The following GPHN variants were observed in gnomAD, a reference collection of about 807,000 sequenced individuals.
GPHN encodes the protein gephyrin.
In GPHN, 17 loss-of-function variants were observed where a neutral mutation model predicts 95.5. That is an observed-to-expected ratio of 0.18 (90% CI 0.12 to 0.27). The LOEUF (loss-of-function observed/expected upper bound fraction) is 0.27. Among genes scored for constraint, GPHN ranks in the 10% least tolerant of loss-of-function variants. The probability of loss-of-function intolerance (pLI) is 1.00; values close to 1 mark genes in which losing one functional copy is unlikely to be tolerated. For missense variants in GPHN, 660 were observed against 978.1 expected (o/e 0.67, Z 4.34); for synonymous variants, 320 against 322.5 (o/e 0.99, Z 0.08).
the GPHN span, among the ~76,000 whole-genome samples, chr14:67,498,604 G>T: frequency 2.6e-5 from 4 of 152,204 alleles, no homozygotes; most frequent in African/African-American, 9.6e-5. Context: ...ACGAAGGAAT[G>T]AGCAGAATTA....
chr14:67,726,167 T>C, the GPHN span: 2 of 1,518,992 alleles, frequency 1.3e-6, no homozygotes, highest in African/African-American at 1.4e-5. Context: ...TAAGTATCTT[T>C]GGGTGACTAA....
At chr14:67,627,570 G>A in the GPHN span, among the ~76,000 whole-genome samples, 1 of 152,142 alleles carries the variant, frequency 6.6e-6, no homozygotes, top group Non-Finnish European at 1.5e-5. Flanking sequence ...GCAAATATCA[G>A]TGATGTTTCT....
At chr14:67,498,012 C>T in the GPHN span, among the ~76,000 whole-genome samples, 1 of 152,144 alleles carries the variant, frequency 6.6e-6, no homozygotes, top group Non-Finnish European at 1.5e-5. Context: ...TACCCGTCAA[C>T]ACTCCCAAAG....
At chr14:67,544,704 T>TA in the GPHN span, among the ~76,000 whole-genome samples, 1 of 152,204 alleles carries the variant, frequency 6.6e-6, no homozygotes, top group African/African-American at 2.4e-5. Flanking sequence ...AGAACTTTAA[T>TA]AAGTGAAAGT....
At chr14:67,694,299 G>A in the GPHN span, among the ~76,000 whole-genome samples, 2 of 152,004 alleles carry the variant, frequency 1.3e-5, no homozygotes, top group Non-Finnish European at 2.9e-5. Flanking sequence ...GTAGCTCCAG[G>A]AGTGACAACT....
At chr14:67,116,967 C>T (rs2078732484) in intron 16 of GPHN, among the ~76,000 whole-genome samples, 2 of 152,136 alleles carry the variant, frequency 1.3e-5, no homozygotes, top group Admixed American at 1.3e-4. Flanking sequence ...ATTGACTTTT[C>T]TCCCTCTTTT....
chr14:66,893,887 T>G (rs1179894159), intron 5 of GPHN, among the ~76,000 whole-genome samples: 2 of 152,164 alleles, frequency 1.3e-5, no homozygotes, highest in Non-Finnish European at 2.9e-5. Context: ...TGGAAGAACA[T>G]TCCATGCTCA....
the GPHN span, chr14:67,579,865 G>T: frequency 3.1e-6 from 5 of 1,601,066 alleles, no homozygotes; most frequent in Non-Finnish European, 4.3e-6. Flanking sequence ...CTGCCTGCAG[G>T]GAAGTGTCAA....
At chr14:66,702,396 G>A (rs1042062480) in intron 2 of GPHN, among the ~76,000 whole-genome samples, 2 of 152,182 alleles carry the variant, frequency 1.3e-5, no homozygotes, top group African/African-American at 2.4e-5. Context: ...GATCCTACTG[G>A]CATCAGATTG....
the GPHN span, among the ~76,000 whole-genome samples, chr14:67,483,682 T>C: frequency 6.6e-6 from 1 of 152,074 alleles, no homozygotes; most frequent in Non-Finnish European, 1.5e-5. Context: ...CATGCGCCAT[T>C]CAAAGGCCCC....
intron 3 of GPHN, among the ~76,000 whole-genome samples, chr14:66,778,668 A>G (rs2059483350): frequency 6.6e-6 from 1 of 151,420 alleles, no homozygotes; most frequent in Admixed American, 6.6e-5. Flanking sequence ...AAATCTTTCA[A>G]TAAATTCAAA....
chr14:67,321,342 A>G, the GPHN span: 282 of 1,322,532 alleles, frequency 2.1e-4, no homozygotes, highest in African/African-American at 3.6e-3. Flanking sequence ...ATTTTGGTCC[A>G]AGAACAGCGC....
the GPHN span, chr14:67,589,318 T>A: frequency 1.6e-5 from 16 of 975,936 alleles, no homozygotes; most frequent in African/African-American, 2.4e-4. Flanking sequence ...GGATTCAATA[T>A]TTGCTTATTT....
At chr14:67,349,154 C>T in the GPHN span, 1 of 1,537,994 alleles carries the variant, frequency 6.5e-7, no homozygotes, top group East Asian at 2.3e-5. Context: ...AGAAATAAAC[C>T]TACAGGGACC....
At chr14:67,034,634 A>G (rs2074333531) in intron 10 of GPHN, among the ~76,000 whole-genome samples, 1 of 152,150 alleles carries the variant, frequency 6.6e-6, no homozygotes, top group Non-Finnish European at 1.5e-5. Context: ...AAAAGAGAGC[A>G]GTGGTGGCCA....
At chr14:67,228,937 C>T in the GPHN span, among the ~76,000 whole-genome samples, 1 of 152,186 alleles carries the variant, frequency 6.6e-6, no homozygotes, top group Non-Finnish European at 1.5e-5. Context: ...AAAGAAACTA[C>T]AGACAGTCCC....
chr14:66,845,688 T>G (rs1017479495), intron 4 of GPHN, among the ~76,000 whole-genome samples: 1 of 152,112 alleles, frequency 6.6e-6, no homozygotes, highest in African/African-American at 2.4e-5. Flanking sequence ...AATCCAGAGA[T>G]CCTTCATCCT....
the GPHN span, chr14:67,467,949 C>T: frequency 6.6e-6 from 1 of 151,952 alleles, no homozygotes; most frequent in African/African-American, 2.4e-5. Flanking sequence ...AGTCTTGAGG[C>T]TAGCCTGGGA....
At chr14:67,601,543 A>G in the GPHN span, among the ~76,000 whole-genome samples, 13 of 152,204 alleles carry the variant, frequency 8.5e-5, no homozygotes, top group Non-Finnish European at 2.9e-5. Flanking sequence ...CTCATGAGTA[A>G]TAGTGGCCTA....
Sources: allele counts gnomAD v4.1 joint callset (sites outside exome capture counted in the v4.1 genomes callset), GRCh38; gene constraint gnomAD v4.1.1; transcripts MANE v1.5; gene names NCBI Gene and HGNC (gene_info 2026-07-23, HGNC 2026-07-21).